The following GABRB1 variants were observed in gnomAD, a reference collection of about 807,000 sequenced individuals.
GABRB1 encodes gamma-aminobutyric acid receptor subunit beta-1.
A neutral mutation model predicts 51.6 loss-of-function variants in GABRB1; 17 were observed. The ratio of observed to expected loss-of-function variants is 0.33; its 90% CI spans 0.23 to 0.49. The LOEUF is 0.49. Ranked by LOEUF, GABRB1 falls within the 20% of genes least tolerant of loss-of-function variation. The pLI, the probability that GABRB1 is intolerant of heterozygous loss-of-function variation, is 0.99. For missense variants in GABRB1, 410 were observed against 600.6 expected, an observed-to-expected ratio of 0.68 and a Z score of 3.32; for synonymous variants, 247 against 218.9, an observed-to-expected ratio of 1.13 and a Z score of -1.14.
intron 4 of GABRB1, among the ~76,000 whole-genome samples, chr4:47,180,477 C>T (rs976345036): frequency 3.9e-5 from 6 of 151,948 alleles, no homozygotes; most frequent in African/African-American, 9.7e-5. Context: ...TCCTGTGAAA[C>T]GGAAAGTAAT....
intron 3 of GABRB1, among the ~76,000 whole-genome samples, chr4:47,109,443 C>T (rs1426514102): frequency 3.9e-5 from 6 of 152,010 alleles, no homozygotes; most frequent in Admixed American, 2.0e-4. Flanking sequence ...TGATTTTATA[C>T]GAAATCCACA....
chr4:47,267,533 G>A (rs1022807375), intron 4 of GABRB1, among the ~76,000 whole-genome samples: 4 of 152,216 alleles, frequency 2.6e-5, no homozygotes, highest in Admixed American at 1.3e-4. Flanking sequence ...GGTGGCTCAC[G>A]CCTGTAATCT....
At chr4:47,170,762 C>T (rs1013386424) in intron 4 of GABRB1, among the ~76,000 whole-genome samples, 4 of 152,000 alleles carry the variant, frequency 2.6e-5, no homozygotes, top group Admixed American at 6.6e-5. Flanking sequence ...AACAGCAGAC[C>T]GTACATAAAG....
At chr4:47,027,324 A>T (rs1190157238), upstream of GABRB1, among the ~76,000 whole-genome samples, 3 of 151,814 alleles carry the variant, frequency 2.0e-5, no homozygotes, top group South Asian at 2.1e-4. Context: ...AAAAATTGCA[A>T]TATGAATTTT....
At chr4:47,220,148 C>T (rs1720714051) in intron 4 of GABRB1, among the ~76,000 whole-genome samples, 2 of 151,972 alleles carry the variant, frequency 1.3e-5, no homozygotes, top group Admixed American at 6.6e-5. Flanking sequence ...TCAGCTGCAT[C>T]ATCCCATCTT....
intron 3 of GABRB1, among the ~76,000 whole-genome samples, chr4:47,037,383 G>C (rs532840701): frequency 6.6e-6 from 1 of 152,248 alleles, no homozygotes; most frequent in South Asian, 2.1e-4. Flanking sequence ...GTATTAGCTA[G>C]CATGTAAATA....
intron 4 of GABRB1, among the ~76,000 whole-genome samples, chr4:47,267,149 G>A (rs1722668949): frequency 6.6e-6 from 1 of 152,070 alleles, no homozygotes; most frequent in Admixed American, 6.6e-5. Flanking sequence ...AAGAGACAGA[G>A]GGGGTAAATA....
chr4:47,170,089 G>A (rs1373719047), intron 4 of GABRB1, among the ~76,000 whole-genome samples: 1 of 152,116 alleles, frequency 6.6e-6, no homozygotes, highest in African/African-American at 2.4e-5. Flanking sequence ...TTCTGCTTCA[G>A]ATTTTGGAAA....
In GABRB1 at chr4:47,425,651, G is replaced by A. The variant is rs370038180; in HGVS notation, c.1081-23G>A. 2.3e-5 allele frequency: 36 copies of A among 1,557,116 alleles called. No homozygotes were observed. In the East Asian group the frequency reaches 4.3e-4, roughly 19 times the overall value. On this transcript the variant is annotated intron_variant, in intron 8 of 8. Transcript: ENST00000295454. The stretch of plus-strand genomic sequence containing the variant: ...GGCAAAGGTCCTGCAACTTGTGTCC[G>A]AGCCTGTTCTTTTTGCCATCAGGTC...
intron 1 of GABRB1, among the ~76,000 whole-genome samples, chr4:47,019,911 TGTATATGTATAC>T (rs1442334321): frequency 8.1e-5 from 12 of 148,362 alleles, no homozygotes; most frequent in East Asian, 3.9e-4. Context: ...TATATGTATA[TGTATATGTATAC>T]GTATATGTAT....
At chr4:47,046,164 C>T (rs1258194447) in intron 3 of GABRB1, among the ~76,000 whole-genome samples, 1 of 152,064 alleles carries the variant, frequency 6.6e-6, no homozygotes, top group Non-Finnish European at 1.5e-5. Context: ...TTTCCTGAGG[C>T]CTCCCCAGCC....
intron 3 of GABRB1, among the ~76,000 whole-genome samples, chr4:47,111,700 C>T (rs1715217206): frequency 6.6e-6 from 1 of 151,740 alleles, no homozygotes; most frequent in African/African-American, 2.4e-5. Context: ...CTCATCTCTA[C>T]AATAAAATAC....
At chr4:47,144,872 CAG>C (rs368923840) in intron 3 of GABRB1, among the ~76,000 whole-genome samples, 11 of 151,426 alleles carry the variant, frequency 7.3e-5, no homozygotes, top group African/African-American at 2.7e-4. Flanking sequence ...AGTTGGGAAA[CAG>C]ATGAATAGTT....
At chr4:47,140,952 C>T (rs1464681329) in intron 3 of GABRB1, among the ~76,000 whole-genome samples, 2 of 151,716 alleles carry the variant, frequency 1.3e-5, no homozygotes, top group African/African-American at 4.8e-5. Flanking sequence ...TCTACAATCC[C>T]TCAGAGTGTT....
chr4:47,210,203 A>C (rs1369470371), intron 4 of GABRB1, among the ~76,000 whole-genome samples: 1 of 152,140 alleles, frequency 6.6e-6, no homozygotes, highest in Non-Finnish European at 1.5e-5. Flanking sequence ...CTGAGAAATA[A>C]TATATATTAA....
Position 47,035,462 on chromosome 4 carries a change from ATAT to A in GABRB1, c.240+2983_240+2985del, listed in dbSNP as rs539182156. ...TGAGAACAAGACTTTTCAGGCAATA[ATAT>A]TATTGATTAAATTAGAAAGGATTGT... On this transcript the variant is annotated intron_variant, in intron 3 of 8. Coordinates refer to ENST00000295454, the MANE Select transcript of GABRB1 (RefSeq NM_000812.4). Among the ~76,000 whole-genome samples the A allele has an allele frequency of 1.3e-3, 203 of 152,302 alleles. 1 individual carries two copies. The highest frequency in any genetic ancestry group is 0.01 in the Middle Eastern group (3 of 294).
At chr4:47,105,801 A>T (rs1009798359) in intron 3 of GABRB1, among the ~76,000 whole-genome samples, 6 of 152,084 alleles carry the variant, frequency 3.9e-5, no homozygotes, top group Admixed American at 3.3e-4. Flanking sequence ...AATATTCCTC[A>T]TAAGAACTGT....
chr4:47,108,384 G>A (rs1391710328), intron 3 of GABRB1, among the ~76,000 whole-genome samples: 1 of 152,014 alleles, frequency 6.6e-6, no homozygotes, highest in Non-Finnish European at 1.5e-5. Context: ...TCTGTGTTTT[G>A]TGCTGAAATA....
At chr4:47,041,932 C>T (rs1275366550) in intron 3 of GABRB1, among the ~76,000 whole-genome samples, 1 of 151,972 alleles carries the variant, frequency 6.6e-6, no homozygotes, top group Non-Finnish European at 1.5e-5. Context: ...TTTCTGCAGT[C>T]TTACCAGAGA....
Sources: gnomAD v4.1 joint callset for allele counts (sites outside exome capture counted in the v4.1 genomes callset) on GRCh38, gnomAD v4.1.1 for gene constraint, MANE v1.5 for transcripts, NCBI Gene and HGNC (gene_info 2026-07-23, HGNC 2026-07-21) for gene names.